CNKSR2: variants seen among roughly 807,000 people sequenced by gnomAD.
CNKSR2 encodes CNK homolog protein 2.
Under a neutral mutation model 84.4 loss-of-function variants are expected in CNKSR2, and 14 were observed. That is an observed-to-expected ratio of 0.17 (90% confidence interval 0.11 to 0.26). The LOEUF (loss-of-function observed/expected upper bound fraction) is 0.26, where lower values mean the gene tolerates loss of function less well. Among genes scored for constraint, CNKSR2 ranks in the 10% least tolerant of loss-of-function variants. The pLI is 1.00. For synonymous variants in CNKSR2, 275 were observed against 277.9 expected (o/e 0.99, Z 0.10); for missense variants, 485 against 771.2 (o/e 0.63, Z 4.40).
At chrX:21,377,090 T>C (rs1297606607) in intron 1 of CNKSR2, among the ~76,000 whole-genome samples, 2 of 112,201 alleles carry the variant, frequency 1.8e-5, no homozygotes, top group Non-Finnish European at 3.8e-5. Context: ...GGTGACGCAT[T>C]TTAGAGCTAT....
chrX:21,488,160 C>T (rs1204964651), intron 5 of CNKSR2, among the ~76,000 whole-genome samples: 1 of 111,832 alleles, frequency 8.9e-6, no homozygotes, highest in Admixed American at 9.5e-5. Flanking sequence ...AGTGTAGTTA[C>T]TGATCATTGT....
intron 20 of CNKSR2, among the ~76,000 whole-genome samples, chrX:21,620,130 C>A (rs988855034): frequency 2.7e-5 from 3 of 111,205 alleles, no homozygotes; most frequent in Non-Finnish European, 5.7e-5. Flanking sequence ...AAAAGTAATT[C>A]CGTAGAAATA....
chrX:21,524,078 T>A (rs2091811292), intron 9 of CNKSR2, among the ~76,000 whole-genome samples: 1 of 110,821 alleles, frequency 9.0e-6, no homozygotes, highest in Admixed American at 9.6e-5. Flanking sequence ...AGAACGTTTA[T>A]TATTTAGCTT....
chrX:21,615,568 G>A (rs187771973), intron 20 of CNKSR2, among the ~76,000 whole-genome samples: 3 of 111,613 alleles, frequency 2.7e-5, no homozygotes, highest in Admixed American at 1.9e-4. Context: ...TCAATGAAGT[G>A]ATGTCAGAAA....
chrX:21,518,948 C>A (rs1453161900), intron 9 of CNKSR2, among the ~76,000 whole-genome samples: 1 of 111,540 alleles, frequency 9.0e-6, no homozygotes, highest in Non-Finnish European at 1.9e-5. Flanking sequence ...GTCAACCATC[C>A]GTAGATAAAT....
At chrX:21,545,907 ACCTCAT>A (rs1257496924) in intron 11 of CNKSR2, among the ~76,000 whole-genome samples, 1 of 111,601 alleles carries the variant, frequency 9.0e-6, no homozygotes, top group Non-Finnish European at 1.9e-5. Context: ...CCACACAAAA[ACCTCAT>A]CCAAAGGTCA....
At chrX:21,376,815 T>C (rs1040669618) in intron 1 of CNKSR2, among the ~76,000 whole-genome samples, 1 of 112,015 alleles carries the variant, frequency 8.9e-6, no homozygotes, top group Non-Finnish European at 1.9e-5. Context: ...ATGCCTGTAG[T>C]GAGTGCTGCA....
chrX:21,421,840 A>G (rs1024330311), intron 1 of CNKSR2: 1 of 110,072 alleles, frequency 9.1e-6, no homozygotes, highest in Non-Finnish European at 1.9e-5. Flanking sequence ...AGGGCCTTGA[A>G]AAGAAGGCAA....
intron 1 of CNKSR2, among the ~76,000 whole-genome samples, chrX:21,411,491 G>A (rs754963978): frequency 9.0e-6 from 1 of 111,586 alleles, no homozygotes; most frequent in African/African-American, 3.3e-5. Context: ...TGTTCTACAC[G>A]TTGAAACCAG....
At chrX:21,388,889 TG>T (rs2090009558) in intron 1 of CNKSR2, among the ~76,000 whole-genome samples, 1 of 110,540 alleles carries the variant, frequency 9.0e-6, no homozygotes, top group African/African-American at 3.3e-5. Context: ...ACCTGGCAGT[TG>T]CTACCTTGGC....
intron 2 of CNKSR2, among the ~76,000 whole-genome samples, chrX:21,430,022 C>T (rs1197131198): frequency 1.8e-5 from 2 of 112,103 alleles, no homozygotes; most frequent in African/African-American, 3.2e-5. Flanking sequence ...ACCTATTATA[C>T]TCTTCTAAAT....
chrX:21,482,455 C>G, intron 5 of CNKSR2, among the ~76,000 whole-genome samples: 1 of 111,837 alleles, frequency 8.9e-6, no homozygotes, highest in East Asian at 2.8e-4. Context: ...TCATCTGTCT[C>G]AAAATTCTGT....
chrX:21,645,499 G>T (rs955177148), intron 20 of CNKSR2: 1 of 111,941 alleles, frequency 8.9e-6, no homozygotes, highest in Admixed American at 9.5e-5. Context: ...TCCTCATTAG[G>T]AATCACAGAA....
At position 21,634,111 on chromosome X, in the gene CNKSR2, CT is replaced by C. The variant is rs201550226; in HGVS notation, c.2693-14719del. Among the ~76,000 whole-genome samples the C allele has an allele frequency of 8.9e-4, 99 of 111,582 alleles. 1 individual carries two copies. In the East Asian group the frequency reaches 0.026, roughly 30 times the overall value. On this transcript the variant is annotated intron_variant, in intron 20 of 21. Transcript: ENST00000379510. ...CATGTACACAACATATTTTGAATGC[CT>C]AAAAATATAATAATTTGAATGTTGG...
chrX:21,598,976 G>C, intron 17 of CNKSR2, among the ~76,000 whole-genome samples: 1 of 112,957 alleles, frequency 8.9e-6, no homozygotes, highest in Middle Eastern at 4.6e-3. Context: ...ATCCAAGATA[G>C]CACCAACAAT....
At chrX:21,491,148 T>C (rs1457580113) in intron 6 of CNKSR2, 1 of 111,680 alleles carries the variant, frequency 9.0e-6, no homozygotes, top group Non-Finnish European at 1.9e-5. Flanking sequence ...TCATGTTTGA[T>C]ATTTTGTTCA....
intron 7 of CNKSR2, among the ~76,000 whole-genome samples, chrX:21,501,046 T>G (rs1264751843): frequency 9.0e-6 from 1 of 111,339 alleles, no homozygotes; most frequent in Admixed American, 9.5e-5. Context: ...GAAATGGATT[T>G]GTTGAAGTTA....
At chrX:21,449,303 CAAAAAAAA>C (rs11308049) in intron 4 of CNKSR2, among the ~76,000 whole-genome samples, 1 of 44,363 alleles carries the variant, frequency 2.3e-5, no homozygotes, top group Admixed American at 3.0e-4. Flanking sequence ...GACTCCGTCT[CAAAAAAAA>C]AAAAAAAAAA....
At chrX:21,414,419 A>AT (rs201688415) in intron 1 of CNKSR2, among the ~76,000 whole-genome samples, 7,907 of 104,559 alleles carry the variant, frequency 0.076, 336 homozygotes, top group Non-Finnish European at 0.12. Flanking sequence ...AGATTATTAG[A>AT]TTTTTTTTTT....
Sources: allele counts gnomAD v4.1 joint callset (sites outside exome capture counted in the v4.1 genomes callset), GRCh38; gene constraint gnomAD v4.1.1; transcripts MANE v1.5; gene names NCBI Gene and HGNC (gene_info 2026-07-23, HGNC 2026-07-21).